Variants in TAF4 observed in about 807,000 individuals in gnomAD.
TAF4 encodes the protein transcription initiation factor TFIID subunit 4.
Under a neutral mutation model 90.3 loss-of-function variants are expected in TAF4, and 9 were observed. The ratio of observed to expected loss-of-function variants is 0.10; its 90% CI spans 0.06 to 0.17. The LOEUF (loss-of-function observed/expected upper bound fraction) is 0.17, where lower values mean the gene tolerates loss of function less well. Ranked by LOEUF, TAF4 falls within the 10% of genes least tolerant of loss-of-function variation. The probability of loss-of-function intolerance (pLI) is 1.00; values close to 1 mark genes in which losing one functional copy is unlikely to be tolerated. For synonymous variants in TAF4, 818 were observed against 638.9 expected (o/e 1.28, Z -4.23); for missense variants, 1,351 against 1,370.7 (o/e 0.99, Z 0.23).
chr20:61,998,199 T>G lies in TAF4; in HGVS notation c.2914-7A>C, dbSNP rs1433081905. 6.2e-7 allele frequency: 1 copy of G among 1,612,384 alleles called. No individual in the cohort carries two copies. The highest frequency in any genetic ancestry group is 1.1e-5 in the South Asian group (1 of 90,358). Reference sequence around the variant, plus strand: ...CTTCTTGTCTTGACCGAGACTATTTTTGAAAGAGGCAGAAAAGAAAAGTAA... The same window carrying G: ...CTTCTTGTCTTGACCGAGACTATTTGTGAAAGAGGCAGAAAAGAAAAGTAA... On this transcript the variant is annotated splice_region_variant and splice_polypyrimidine_tract_variant and intron_variant, in intron 12 of 14. Transcript: ENST00000252996.
At chr20:62,021,977 G>A (rs2055846366) in intron 1 of TAF4, among the ~76,000 whole-genome samples, 1 of 152,164 alleles carries the variant, frequency 6.6e-6, no homozygotes, top group Admixed American at 6.5e-5. Context: ...CGAAACTCAG[G>A]CACACAGCGG....
intron 1 of TAF4, among the ~76,000 whole-genome samples, chr20:62,046,092 A>T (rs1056322917): frequency 1.1e-4 from 16 of 152,234 alleles, no homozygotes; most frequent in African/African-American, 3.9e-4. Flanking sequence ...GACGGCAGAC[A>T]TTGGGATTGG....
intron 1 of TAF4, 34 bp downstream of exon 1, chr20:62,064,417 C>T (rs2145529216): frequency 7.8e-7 from 1 of 1,285,336 alleles, no homozygotes. Flanking sequence ...CTGCTGGGAG[C>T]CGCCCTTCCC....
Position 62,010,051 on chromosome 20 carries a change from C to T in TAF4, c.1756G>A (p.Ala586Thr), listed in dbSNP as rs556739436. Residue 586 changes from alanine to threonine, a missense_variant, in exon 4 of 15, where the codon GCC (alanine) becomes ACC (threonine). Ala to Thr is a moderately conservative substitution (Grantham distance 58, BLOSUM62 0). Around this residue, in one of 9 missense-constraint regions of TAF4, gnomAD observed 44 missense variants for 97.4 expected, o/e 0.45. Coordinates refer to ENST00000252996, the MANE Select transcript of TAF4 (RefSeq NM_003185.4). This position sits in a 1 kb window ranked among gnomAD's most constrained non-coding sequence, Gnocchi z 4.5. The stretch of plus-strand genomic sequence containing the variant: ...CGGAAAGGAGTGGCTCTTACCGTGG[C>T]AGCTGAGGAAGTGGTGGTCGCCCCT... ...VPGATTTSSA[A>T]TETMENVKKC... is the part of the protein sequence containing the mutation. 3 of 1,613,358 alleles carry T rather than the reference C, an allele frequency of 1.9e-6. No individual in the cohort carries two copies. The highest frequency in any genetic ancestry group is 3.3e-5 in the Admixed American group (2 of 60,020).
At chr20:62,020,168 A>ACCAGCC (rs1017923849) in intron 1 of TAF4, among the ~76,000 whole-genome samples, 8 of 152,192 alleles carry the variant, frequency 5.3e-5, no homozygotes, top group South Asian at 2.1e-4. Flanking sequence ...GGAGCATGGC[A>ACCAGCC]CCAGCCCCAG....
chr20:62,021,563 T>G (rs896712059), intron 1 of TAF4, among the ~76,000 whole-genome samples: 2 of 152,236 alleles, frequency 1.3e-5, no homozygotes, highest in African/African-American at 4.8e-5. Context: ...CAGGGCTGCG[T>G]GGGCTGGGCC....
chr20:62,021,528 C>G (rs991508477), intron 1 of TAF4, among the ~76,000 whole-genome samples: 1 of 152,240 alleles, frequency 6.6e-6, no homozygotes, highest in African/African-American at 2.4e-5. Context: ...AGCCAAGGGC[C>G]GTGCGCGCCC....
intron 14 of TAF4, among the ~76,000 whole-genome samples, chr20:61,977,829 G>T (rs2055505776): frequency 6.6e-6 from 1 of 152,204 alleles, no homozygotes; most frequent in Non-Finnish European, 1.5e-5. Context: ...GGCTCTCACA[G>T]GCACCACCCA....
chr20:62,024,895 G>T (rs1178273082), intron 1 of TAF4, among the ~76,000 whole-genome samples: 7 of 151,784 alleles, frequency 4.6e-5, no homozygotes, highest in Admixed American at 4.6e-4. Flanking sequence ...GTGGGCAATT[G>T]AATAGACCCT....
At chr20:62,021,660 GC>G (rs887310451) in intron 1 of TAF4, among the ~76,000 whole-genome samples, 15 of 152,252 alleles carry the variant, frequency 9.9e-5, no homozygotes, top group Admixed American at 3.3e-4. Flanking sequence ...TACAGGCAGG[GC>G]CATGTGGATA....
chr20:62,060,117 C>T (rs2056081494), intron 1 of TAF4, among the ~76,000 whole-genome samples: 3 of 152,238 alleles, frequency 2.0e-5, no homozygotes, highest in South Asian at 4.1e-4. Context: ...TAAGGGGCAA[C>T]TTCCACAGCA....
intron 1 of TAF4, among the ~76,000 whole-genome samples, chr20:62,044,092 T>C (rs2055979176): frequency 6.6e-6 from 1 of 152,228 alleles, no homozygotes; most frequent in South Asian, 2.1e-4. Context: ...TTATATGCTT[T>C]TTGCCTTGGC....
chr20:62,060,659 T>C (rs1395040677), intron 1 of TAF4, among the ~76,000 whole-genome samples: 2 of 152,202 alleles, frequency 1.3e-5, no homozygotes, highest in Non-Finnish European at 2.9e-5. Flanking sequence ...TTTGTTCTTT[T>C]CAAATGTCAC....
intron 1 of TAF4, among the ~76,000 whole-genome samples, chr20:62,034,133 GACA>G (rs1190248054): frequency 6.6e-6 from 1 of 151,780 alleles, no homozygotes; most frequent in Admixed American, 6.6e-5. Context: ...AATACCAGAA[GACA>G]ACAAGGGAAT....
chr20:62,036,662 T>C (rs1168805561), intron 1 of TAF4, among the ~76,000 whole-genome samples: 1 of 152,192 alleles, frequency 6.6e-6, no homozygotes, highest in African/African-American at 2.4e-5. Flanking sequence ...ATCAGTGTAA[T>C]TCACCATGTT....
chr20:62,000,379 G>C (rs1012806471), intron 10 of TAF4, 125 bp from the exon 11 acceptor site: 66 of 1,440,686 alleles, frequency 4.6e-5, no homozygotes, highest in Middle Eastern at 2.3e-4. Context: ...AAGGCTGGTG[G>C]GGTGGAAGGC....
chr20:62,055,903 T>TC (rs1478178331), intron 1 of TAF4, among the ~76,000 whole-genome samples: 1 of 152,146 alleles, frequency 6.6e-6, no homozygotes, highest in Admixed American at 6.5e-5. Flanking sequence ...CCTGGTACCC[T>TC]CATCAGCCTT....
chr20:62,026,070 C>A (rs1004504875), intron 1 of TAF4, among the ~76,000 whole-genome samples: 58 of 152,174 alleles, frequency 3.8e-4, no homozygotes, highest in Non-Finnish European at 8.2e-4. Flanking sequence ...ACCCTCCCGG[C>A]AAAAAATAAC....
intron 2 of TAF4, 148 bp downstream of exon 2, chr20:62,014,399 G>C: frequency 1.9e-6 from 2 of 1,079,338 alleles, no homozygotes; most frequent in Non-Finnish European, 2.5e-6. Flanking sequence ...GCCCATCCTA[G>C]ATGGGACGGA....
Sources: allele counts gnomAD v4.1 joint callset (sites outside exome capture counted in the v4.1 genomes callset), GRCh38; gene constraint gnomAD v4.1.1; regional missense constraint gnomAD v4.1.1; non-coding constraint Gnocchi (gnomAD v3.1); transcripts MANE v1.5; gene names NCBI Gene and HGNC (gene_info 2026-07-23, HGNC 2026-07-21).